Variants in CDH13 observed in about 807,000 individuals in gnomAD.
The protein encoded by CDH13 is cadherin-13.
A neutral mutation model predicts 63.8 loss-of-function variants in CDH13; 24 were observed. The ratio of observed to expected loss-of-function variants is 0.38; its 90% CI spans 0.27 to 0.53. The LOEUF (loss-of-function observed/expected upper bound fraction) is 0.53. Among genes scored for constraint, CDH13 ranks in the 20% least tolerant of loss-of-function variants. CDH13 has a pLI of 0.85. For missense variants in CDH13, 1,049 were observed against 903.1 expected (o/e 1.16, Z -2.07); for synonymous variants, 503 against 355.3 (o/e 1.42, Z -4.67).
chr16:83,003,433 A>C (rs1209085852), intron 2 of CDH13, among the ~76,000 whole-genome samples: 2 of 151,898 alleles, frequency 1.3e-5, no homozygotes, highest in African/African-American at 2.4e-5. Flanking sequence ...GCTCATAAAT[A>C]GGGACAGTAT....
At chr16:82,938,661 A>AGT (rs752628010) in intron 2 of CDH13, among the ~76,000 whole-genome samples, 6 of 152,146 alleles carry the variant, frequency 3.9e-5, no homozygotes, top group African/African-American at 7.2e-5. Context: ...CAAGGATGTG[A>AGT]GTGTGTATAG....
intron 2 of CDH13, among the ~76,000 whole-genome samples, chr16:82,988,747 G>C (rs1249723189): frequency 6.9e-6 from 1 of 145,928 alleles, no homozygotes; most frequent in African/African-American, 2.6e-5. Flanking sequence ...GGGAGACAGA[G>C]TGAAACTCCA....
At chr16:82,773,182 G>A (rs995884617) in intron 1 of CDH13, 1 of 152,296 alleles carries the variant, frequency 6.6e-6, no homozygotes, top group Non-Finnish European at 1.5e-5. Context: ...ATGGGGCTGA[G>A]CCAGCAGAAT....
intron 7 of CDH13, among the ~76,000 whole-genome samples, chr16:83,541,448 C>T (rs750476522): frequency 6.6e-6 from 1 of 152,168 alleles, no homozygotes. Flanking sequence ...TGGCAGAGAT[C>T]GTGTGTTCAC....
chr16:83,379,919 G>GTATATATATATATATA (rs747045728), intron 6 of CDH13, among the ~76,000 whole-genome samples: 16 of 126,428 alleles, frequency 1.3e-4, no homozygotes, highest in African/African-American at 3.5e-4. Flanking sequence ...ATGTGTGTGT[G>GTATATATATATATATA]TATATATATA....
At chr16:83,075,545 C>G (rs572879854) in intron 3 of CDH13, among the ~76,000 whole-genome samples, 1 of 152,252 alleles carries the variant, frequency 6.6e-6, no homozygotes, top group Admixed American at 6.5e-5. Context: ...AGCATTGCAT[C>G]CAGTGCGTAC....
At chr16:82,670,176 T>C (rs970662612) in intron 1 of CDH13, among the ~76,000 whole-genome samples, 2 of 152,170 alleles carry the variant, frequency 1.3e-5, no homozygotes, top group African/African-American at 4.8e-5. Context: ...TTTAATAAAG[T>C]AGAGCAGAAA....
At chr16:82,932,204 A>G (rs1023533016) in intron 2 of CDH13, among the ~76,000 whole-genome samples, 3 of 152,208 alleles carry the variant, frequency 2.0e-5, no homozygotes, top group Admixed American at 2.0e-4. Flanking sequence ...GATTGTTGCT[A>G]TATTTTTAGT....
chr16:82,842,283 C>T (rs1184823779), intron 1 of CDH13, among the ~76,000 whole-genome samples: 1 of 151,258 alleles, frequency 6.6e-6, no homozygotes, highest in Non-Finnish European at 1.5e-5. Context: ...ATCAGGGTAG[C>T]TCAGTCTTGA....
chr16:82,908,240 G>C (rs550609121), intron 2 of CDH13, among the ~76,000 whole-genome samples: 30 of 152,230 alleles, frequency 2.0e-4, no homozygotes, highest in African/African-American at 7.2e-4. Flanking sequence ...AAAGGTGATG[G>C]GTAGCTAGAA....
chr16:83,160,561 T>G (rs66666235), intron 4 of CDH13, among the ~76,000 whole-genome samples: 27,383 of 152,148 alleles, frequency 0.18, 3,551 homozygotes, highest in African/African-American at 0.37. Flanking sequence ...TTTAGCATAC[T>G]GTCAATGTGG....
intron 8 of CDH13, among the ~76,000 whole-genome samples, chr16:83,607,534 C>T (rs1039170548): frequency 1.2e-4 from 18 of 152,188 alleles, no homozygotes; most frequent in Admixed American, 5.2e-4. Flanking sequence ...TGTTGTATCC[C>T]GGCAGGCACT....
At chr16:82,697,740 TG>T (rs1464844480) in intron 1 of CDH13, among the ~76,000 whole-genome samples, 2 of 474 alleles carry the variant, frequency 4.2e-3, no homozygotes, top group Non-Finnish European at 0.015. Context: ...GCCGAGGCAT[TG>T]TGTGTGTGTG....
intron 8 of CDH13, among the ~76,000 whole-genome samples, chr16:83,609,103 T>G (rs1908626336): frequency 6.6e-6 from 1 of 152,212 alleles, no homozygotes. Context: ...TCATCAAATT[T>G]AAGGACGTTT....
chr16:83,267,575 A>C (rs2088663218), intron 5 of CDH13, among the ~76,000 whole-genome samples: 1 of 152,136 alleles, frequency 6.6e-6, no homozygotes, highest in African/African-American at 2.4e-5. Flanking sequence ...GAATAGATGA[A>C]TGCTGTTATC....
At chr16:83,713,452 G>A (rs1390026385) in intron 10 of CDH13, among the ~76,000 whole-genome samples, 1 of 151,996 alleles carries the variant, frequency 6.6e-6, no homozygotes, top group South Asian at 2.1e-4. Flanking sequence ...AGATTTTGAA[G>A]GGGGAAAACA....
intron 2 of CDH13, among the ~76,000 whole-genome samples, chr16:82,999,764 C>G (rs982100499): frequency 6.6e-6 from 1 of 152,164 alleles, no homozygotes; most frequent in Non-Finnish European, 1.5e-5. Flanking sequence ...TCGTCCAGCA[C>G]ATATTTAACG....
At chr16:83,658,934 T>C (rs1913165667) in intron 8 of CDH13, among the ~76,000 whole-genome samples, 4 of 112,522 alleles carry the variant, frequency 3.6e-5, no homozygotes, top group South Asian at 6.8e-4. Context: ...ACCAGCAAGG[T>C]CCCATGTCCT....
chr16:83,564,761 T>C (rs1342614983), intron 7 of CDH13, among the ~76,000 whole-genome samples: 1 of 152,114 alleles, frequency 6.6e-6, no homozygotes, highest in Non-Finnish European at 1.5e-5. Flanking sequence ...ACTGATACAT[T>C]CAGGGATCAG....
Sources: allele counts gnomAD v4.1 joint callset (sites outside exome capture counted in the v4.1 genomes callset), GRCh38; gene constraint gnomAD v4.1.1; transcripts MANE v1.5; gene names NCBI Gene and HGNC (gene_info 2026-07-23, HGNC 2026-07-21).